PLSCR4: variants seen among roughly 807,000 people sequenced by gnomAD.
The protein encoded by PLSCR4 is phospholipid scramblase 4, also known as Ca(2+)-dependent phospholipid scramblase 4.
A neutral mutation model predicts 36.3 loss-of-function variants in PLSCR4; 25 were observed. The ratio of observed to expected loss-of-function variants is 0.69; its 90% CI spans 0.50 to 0.96. The LOEUF is 0.96. Ranked by LOEUF, PLSCR4 falls within the 40% of genes least tolerant of loss-of-function variation. PLSCR4 has a pLI of 0.00. For synonymous variants in PLSCR4, 122 were observed against 132.9 expected, an observed-to-expected ratio of 0.92 and a Z score of 0.56; for missense variants, 408 against 414.7, an observed-to-expected ratio of 0.98 and a Z score of 0.14.
At chr3:146,196,851 C>T (rs1248463291) in intron 6 of PLSCR4, 58 bp from the exon 7 acceptor site, 67 of 1,413,112 alleles carry the variant, frequency 4.7e-5, no homozygotes, top group Admixed American at 7.1e-5. Context: ...TACACTTACA[C>T]ATACGCACAT....
chr3:146,200,136 C>A, intron 5 of PLSCR4, 97 bp from the exon 6 acceptor site: 1 of 706,396 alleles, frequency 1.4e-6, no homozygotes, highest in South Asian at 1.8e-5. Context: ...AGCAACATAG[C>A]TTTTTTAAAG....
intron 1 of PLSCR4, among the ~76,000 whole-genome samples, chr3:146,227,060 G>A (rs1427739801): frequency 1.3e-5 from 2 of 152,174 alleles, no homozygotes; most frequent in African/African-American, 4.8e-5. Flanking sequence ...GTAGAAGCAT[G>A]AATGTTGTTA....
At chr3:146,232,502 A>C (rs1016635620) in intron 1 of PLSCR4, among the ~76,000 whole-genome samples, 1 of 151,976 alleles carries the variant, frequency 6.6e-6, no homozygotes, top group Non-Finnish European at 1.5e-5. Flanking sequence ...TTTTTATGTT[A>C]TCTCTGATTT....
intron 3 of PLSCR4, 121 bp downstream of exon 3, chr3:146,220,694 T>G: frequency 1.5e-6 from 1 of 679,930 alleles, no homozygotes; most frequent in Non-Finnish European, 2.6e-6. Context: ...GGCACCCTAT[T>G]GGCATCCAAT....
chr3:146,194,725 C>T (rs530998181), intron 8 of PLSCR4, among the ~76,000 whole-genome samples: 1 of 152,150 alleles, frequency 6.6e-6, no homozygotes, highest in South Asian at 2.1e-4. Flanking sequence ...CCAAAGAGTA[C>T]AGTGACAGGC....
chr3:146,210,230 C>A (rs2034547453), intron 3 of PLSCR4, among the ~76,000 whole-genome samples: 1 of 151,894 alleles, frequency 6.6e-6, no homozygotes, highest in South Asian at 2.1e-4. Flanking sequence ...TTAATCCACA[C>A]TTTTTTGAAT....
intron 6 of PLSCR4, 101 bp from the exon 7 acceptor site, chr3:146,196,894 G>T: frequency 1.0e-6 from 1 of 987,860 alleles, no homozygotes; most frequent in Non-Finnish European, 1.5e-6. Context: ...CTCATTCAAA[G>T]ACTAGGGAAA....
At chr3:146,226,336 CT>C (rs2035476732) in intron 1 of PLSCR4, among the ~76,000 whole-genome samples, 1 of 152,190 alleles carries the variant, frequency 6.6e-6, no homozygotes, top group Non-Finnish European at 1.5e-5. Flanking sequence ...GTGTGACCTT[CT>C]TCTAACTAAT....
chr3:146,235,998 C>T (rs574797153), intron 1 of PLSCR4, among the ~76,000 whole-genome samples: 18 of 151,646 alleles, frequency 1.2e-4, no homozygotes, highest in Admixed American at 5.9e-4. Flanking sequence ...TGTGCTCATA[C>T]GTGTGAGCAA....
At chr3:146,247,248 C>G (rs1002960680) in intron 1 of PLSCR4, among the ~76,000 whole-genome samples, 1 of 152,038 alleles carries the variant, frequency 6.6e-6, no homozygotes, top group South Asian at 2.1e-4. Context: ...TTATTGGAAG[C>G]AGAACTGATG....
intron 4 of PLSCR4, among the ~76,000 whole-genome samples, chr3:146,204,227 GA>G (rs2034199447): frequency 6.6e-6 from 1 of 151,834 alleles, no homozygotes. Context: ...GGATTCTTGG[GA>G]ACCTTGATAA....
chr3:146,223,953 A>C (rs7611299), intron 1 of PLSCR4, among the ~76,000 whole-genome samples: 53,145 of 146,688 alleles, frequency 0.36, 9,725 homozygotes, highest in African/African-American at 0.41. Context: ...AATTATAAAT[A>C]ATAAATATTT....
In PLSCR4 at chr3:146,194,307, A is replaced by G; in HGVS notation, c.*104T>C. On this transcript the variant is annotated 3_prime_UTR_variant, in exon 9 of 9. Coordinates refer to ENST00000354952, the MANE Select transcript of PLSCR4 (RefSeq NM_020353.3). ...TTAACACCCAATAAAAATACTCTAC[A>G]AAGCAAAGAAATACACTTGCAAATA... 1 of 803,460 alleles carries G rather than the reference A, an allele frequency of 1.2e-6. No individual in the cohort carries two copies. The allele number at this position is 803,460 out of a possible 1,614,324, so 49.8% of individuals were successfully genotyped here. A position where few individuals can be genotyped will look rare whatever the true frequency, so the allele number is the denominator to read the frequency against.
chr3:146,249,454 C>G (rs2036465629), intron 1 of PLSCR4, among the ~76,000 whole-genome samples: 1 of 152,024 alleles, frequency 6.6e-6, no homozygotes, highest in African/African-American at 2.4e-5. Flanking sequence ...CAAATGCCAG[C>G]TTTCCTTTTA....
intron 2 of PLSCR4, among the ~76,000 whole-genome samples, chr3:146,221,708 C>T (rs1285720836): frequency 2.0e-5 from 3 of 152,214 alleles, no homozygotes; most frequent in Non-Finnish European, 4.4e-5. Context: ...TCATCCTCCT[C>T]TACCAAGGCA....
At chr3:146,233,006 GT>G (rs1316558470) in intron 1 of PLSCR4, among the ~76,000 whole-genome samples, 148 of 152,174 alleles carry the variant, frequency 9.7e-4, no homozygotes, top group African/African-American at 3.3e-3. Context: ...GGATGATGAT[GT>G]ACCACAAGAC....
chr3:146,195,014 C>T (rs1174451557), intron 8 of PLSCR4, 110 bp downstream of exon 8: 5 of 859,144 alleles, frequency 5.8e-6, no homozygotes, highest in Non-Finnish European at 7.1e-6. Flanking sequence ...TAGTAAGTGG[C>T]ACAGAGATAA....
intron 1 of PLSCR4, among the ~76,000 whole-genome samples, chr3:146,225,110 C>G (rs907056892): frequency 1.3e-5 from 2 of 152,034 alleles, no homozygotes; most frequent in African/African-American, 4.8e-5. Flanking sequence ...CCCACCAAAG[C>G]AGCTAGATAC....
chr3:146,192,851 A>T lies in PLSCR4; in HGVS notation c.*1560T>A, dbSNP rs1258519004. 7 of 152,114 alleles carry T rather than the reference A, an allele frequency of 4.6e-5. No homozygotes were observed. The highest frequency in any genetic ancestry group is 1.0e-4 in the Non-Finnish European group (7 of 68,008). 9.4% of individuals were successfully genotyped at this position (152,114 alleles called of 1,614,324 possible). On this transcript the variant is annotated 3_prime_UTR_variant, in exon 9 of 9. Coordinates refer to ENST00000354952, the MANE Select transcript of PLSCR4 (RefSeq NM_020353.3). ...AAAAAGCTAGTAGCAGCATGTAAAA[A>T]TGAGCATTACGAGAAACTCAGAAAA...
Sources: gnomAD v4.1 joint callset for allele counts (sites outside exome capture counted in the v4.1 genomes callset) on GRCh38, gnomAD v4.1.1 for gene constraint, MANE v1.5 for transcripts, NCBI Gene and HGNC (gene_info 2026-07-23, HGNC 2026-07-21) for gene names.